H2BC12: variants seen among roughly 807,000 people sequenced by gnomAD.
H2BC12 encodes the protein H2B clustered histone 12.
A neutral mutation model predicts 6.3 loss-of-function variants in H2BC12; 6 were observed. That is an observed-to-expected ratio of 0.95 (90% CI 0.52 to 1.87). The LOEUF (loss-of-function observed/expected upper bound fraction) is 1.87. Among genes scored for constraint, H2BC12 ranks in the 40% most tolerant of loss-of-function variants. The pLI is 0.01. For synonymous variants in H2BC12, 132 were observed against 78.5 expected, an observed-to-expected ratio of 1.68 and a Z score of -3.60; for missense variants, 119 against 178.4, an observed-to-expected ratio of 0.67 and a Z score of 1.90.
the H2BC12 span, chr6:27,139,703 C>T: frequency 1.3e-6 from 2 of 1,498,740 alleles, no homozygotes; most frequent in East Asian, 2.3e-5. Context: ...GAAATGACTG[C>T]AAACTGAGTC....
chr6:27,146,608 T>C lies in H2BC12; in HGVS notation c.191A>G (p.Asn64Ser), dbSNP rs770041528. The C allele has an allele frequency of 6.2e-7, 1 of 1,614,150 alleles. No individual in the cohort carries two copies. Among genetic ancestry groups the C allele is most frequent in the African/African-American group, 1.3e-5 (1 of 75,028 alleles). ...TTCGAAGATGTCGTTGACGAAGGAG[T>C]TCATGATTCCCATGGCCTTAGAGGA... ...GISSKAMGIM[N>S]SFVNDIFERI... The change falls in exon 1 of 1, where the codon AAC becomes AGC. Residue 64 changes from asparagine (N) to serine (S), a missense_variant. Asn to Ser is a conservative substitution (Grantham distance 46). Transcript: ENST00000356950.
chr6:27,140,724 C>T, the H2BC12 span, among the ~76,000 whole-genome samples: 2 of 152,210 alleles, frequency 1.3e-5, no homozygotes, highest in African/African-American at 2.4e-5. Flanking sequence ...AATGTGAAAT[C>T]GGAGTTTTTC....
chr6:27,146,181 A>G (rs1008356049), downstream of H2BC12, among the ~76,000 whole-genome samples: 1 of 152,180 alleles, frequency 6.6e-6, no homozygotes, highest in Non-Finnish European at 1.5e-5. Flanking sequence ...CTAATTTTTT[A>G]GGCGCCATAT....
chr6:27,142,634 TCC>T (rs1760020315), downstream of H2BC12, among the ~76,000 whole-genome samples: 1 of 111,696 alleles, frequency 9.0e-6, no homozygotes, highest in Admixed American at 8.9e-5. Flanking sequence ...ATTCCCCCCC[TCC>T]TTTTTTTTTT....
chr6:27,139,816 T>A, the H2BC12 span: 1 of 907,294 alleles, frequency 1.1e-6, no homozygotes, highest in Non-Finnish European at 1.6e-6. Context: ...GGCCGAGATT[T>A]TTCCAAGGCC....
Position 27,146,617 on chromosome 6 carries a change from C to T in H2BC12, c.182G>A (p.Gly61Glu). ...PDTGISSKAM[G>E]IMNSFVNDIF... is the part of the protein sequence containing the mutation. ...GTCGTTGACGAAGGAGTTCATGATTCCCATGGCCTTAGAGGAGATGCCGGT... is the reference window on the plus strand; with the variant it reads ...GTCGTTGACGAAGGAGTTCATGATTTCCATGGCCTTAGAGGAGATGCCGGT... The change falls in exon 1 of 1, where the codon GGA becomes GAA. Residue 61 changes from glycine (G) to glutamate (E), a missense_variant. Physicochemically the swap from Gly to Glu is moderately conservative, Grantham distance 98. This residue lies in a region of H2BC12 where 69 missense variants were observed against 141.0 expected (regional missense o/e 0.49). Transcript: ENST00000356950. 6.2e-7 allele frequency: 1 copy of T among 1,614,242 alleles called. No individual in the cohort carries two copies. Among genetic ancestry groups the T allele is most frequent in the Non-Finnish European group, 8.5e-7 (1 of 1,180,056 alleles).
In H2BC12 at chr6:27,146,379, G is replaced by C; in HGVS notation, c.*39C>G. ...GATAATTTAAGTGGCTCTTAAAAGA[G>C]CCTTTGGGGTTGGGCTTTAAGACGC... is the stretch of plus-strand genomic sequence containing the variant. On this transcript the variant is annotated 3_prime_UTR_variant, in exon 1 of 1. Transcript: ENST00000356950. The C allele has an allele frequency of 8.1e-6, 13 of 1,613,590 alleles. No individual in the cohort carries two copies. Among genetic ancestry groups the C allele is most frequent in the Non-Finnish European group, 1.1e-5 (13 of 1,179,844 alleles).
At chr6:27,146,259 G>T (rs182316858), downstream of H2BC12, among the ~76,000 whole-genome samples, 1 of 152,324 alleles carries the variant, frequency 6.6e-6, no homozygotes, top group East Asian at 1.9e-4. Flanking sequence ...AGCACTGCAT[G>T]CATTACTCAG....
At chr6:27,146,348 A>C, downstream of H2BC12, 3 of 1,601,292 alleles carry the variant, frequency 1.9e-6, no homozygotes, top group Non-Finnish European at 1.7e-6. Flanking sequence ...TTACAGCTCT[A>C]ATATCGATAA....
At chr6:27,145,299 C>CAT (rs1760058766), downstream of H2BC12, among the ~76,000 whole-genome samples, 1 of 91,290 alleles carries the variant, frequency 1.1e-5, no homozygotes, top group African/African-American at 7.0e-5. Flanking sequence ...GTTAAATACA[C>CAT]ACACACACAC....
chr6:27,143,305 C>T (rs909684026), downstream of H2BC12, among the ~76,000 whole-genome samples: 16 of 152,014 alleles, frequency 1.1e-4, no homozygotes, highest in Non-Finnish European at 1.0e-4. Flanking sequence ...TGAGCTGACA[C>T]AGTGCCACTG....
chr6:27,141,589 A>C (rs1760008110), downstream of H2BC12, among the ~76,000 whole-genome samples: 2 of 152,208 alleles, frequency 1.3e-5, no homozygotes, highest in Admixed American at 1.3e-4. Context: ...TCCTATAATG[A>C]AGAATTTGGG....
the H2BC12 span, chr6:27,139,709 G>GA: frequency 6.7e-7 from 1 of 1,493,294 alleles, no homozygotes; most frequent in Non-Finnish European, 8.9e-7. Context: ...ACTGCAAACT[G>GA]AGTCTCTTAA....
downstream of H2BC12, among the ~76,000 whole-genome samples, chr6:27,145,547 C>T (rs966647601): frequency 3.3e-5 from 5 of 152,236 alleles, no homozygotes; most frequent in South Asian, 6.2e-4. Flanking sequence ...AGCTCAAACC[C>T]TGTGCTGCTG....
Position 27,146,361 on chromosome 6 carries a change from T to G in H2BC12, c.*57A>C. ...GTTTACAGCTCTAATATCGATAATT[T>G]AAGTGGCTCTTAAAAGAGCCTTTGG... On this transcript the variant is annotated 3_prime_UTR_variant, in exon 1 of 1. Transcript: ENST00000356950. 6.2e-7 allele frequency: 1 copy of G among 1,608,704 alleles called. No homozygotes were observed. The highest frequency in any genetic ancestry group is 8.5e-7 in the Non-Finnish European group (1 of 1,177,860).
the H2BC12 span, chr6:27,139,778 A>G: frequency 7.9e-7 from 1 of 1,259,556 alleles, no homozygotes; most frequent in Non-Finnish European, 1.1e-6. Context: ...CGACGCCGAA[A>G]ATGGGCTGAT....
At chr6:27,146,274 A>T (rs1344968965), downstream of H2BC12, 1 of 1,371,200 alleles carries the variant, frequency 7.3e-7, no homozygotes, top group Non-Finnish European at 1.0e-6. Context: ...ACTCAGTGTG[A>T]TAAGATCATG....
At chr6:27,139,569 G>A in the H2BC12 span, 2 of 1,613,930 alleles carry the variant, frequency 1.2e-6, no homozygotes, top group Non-Finnish European at 1.7e-6. Flanking sequence ...CCATGGACGT[G>A]GTCTACGCGC....
upstream of H2BC12, chr6:27,146,856 G>A (rs531225113): frequency 5.0e-5 from 80 of 1,593,530 alleles, no homozygotes; most frequent in Middle Eastern, 1.7e-4. Flanking sequence ...GGGAAGTAAT[G>A]GGAGCAAGGT....
Sources: allele counts gnomAD v4.1 joint callset (sites outside exome capture counted in the v4.1 genomes callset), GRCh38; gene constraint gnomAD v4.1.1; regional missense constraint gnomAD v4.1.1; transcripts MANE v1.5; gene names NCBI Gene and HGNC (gene_info 2026-07-23, HGNC 2026-07-21).